USP53: variants seen among roughly 807,000 people sequenced by gnomAD.
USP53 encodes ubiquitin specific peptidase 53, also known as ubiquitin carboxyl-terminal hydrolase 53.
A neutral mutation model predicts 94.9 loss-of-function variants in USP53; 71 were observed. The observed-to-expected ratio is 0.75, with a 90% CI of 0.62 to 0.91. The LOEUF is 0.91. Among genes scored for constraint, USP53 ranks in the 40% least tolerant of loss-of-function variants. The pLI is 0.00. For missense variants in USP53, 1,173 were observed against 1,281.0 expected (o/e 0.92, Z 1.29); for synonymous variants, 375 against 422.7 (o/e 0.89, Z 1.39).
intron 4 of USP53, among the ~76,000 whole-genome samples, chr4:119,238,826 T>A (rs1747142399): frequency 6.6e-6 from 1 of 152,252 alleles, no homozygotes; most frequent in Non-Finnish European, 1.5e-5. Flanking sequence ...TTCTTTTGAA[T>A]AATTATACAT....
chr4:119,293,184 T>A lies in USP53; in HGVS notation c.3195T>A (p.Ser1065Arg). 1 of 1,605,126 alleles carries A rather than the reference T, an allele frequency of 6.2e-7. No homozygotes were observed. The highest frequency in any genetic ancestry group is 1.3e-5 in the African/African-American group (1 of 74,584). The change falls in exon 19 of 19, where the codon AGT becomes AGA. Residue 1065 changes from serine to arginine, a missense_variant. By Grantham distance (110) the Ser-to-Arg change is moderately radical. Coordinates refer to ENST00000692078, the MANE Select transcript of USP53 (RefSeq NM_001371395.1). ...QRPKLSFPES[S>R]GFCNNSLS Reference sequence around the variant, plus strand: ...CCAAGCTCTCTTTTCCAGAGAGCAGTGGCTTTTGTAATAATTCACTATCTT... The same window carrying A: ...CCAAGCTCTCTTTTCCAGAGAGCAGAGGCTTTTGTAATAATTCACTATCTT...
At chr4:119,229,766 C>G (rs1745803694) in intron 3 of USP53, among the ~76,000 whole-genome samples, 1 of 152,080 alleles carries the variant, frequency 6.6e-6, no homozygotes, top group South Asian at 2.1e-4. Context: ...ACCTCAAATT[C>G]ATCTTATTCA....
chr4:119,234,382 A>T lies in USP53; in HGVS notation c.-664-908A>T, dbSNP rs533934806. 2.6e-5 allele frequency among the ~76,000 whole-genome samples: 4 copies of T among 152,238 alleles called. No individual in the cohort carries two copies. The South Asian group carries it at 8.3e-4, about 32-fold the overall frequency. Reference sequence around the variant, plus strand: ...TGCTTTTTGCTTTTGTGTAATCTATAGGGTTGAGATGGAGGGAGGGAAGCA... The same window carrying T: ...TGCTTTTTGCTTTTGTGTAATCTATTGGGTTGAGATGGAGGGAGGGAAGCA... On this transcript the variant is annotated intron_variant, in intron 3 of 18. Coordinates refer to ENST00000692078, the MANE Select transcript of USP53 (RefSeq NM_001371395.1).
intron 7 of USP53, among the ~76,000 whole-genome samples, chr4:119,250,931 G>T (rs1354994987): frequency 6.6e-6 from 1 of 150,986 alleles, no homozygotes; most frequent in African/African-American, 2.4e-5. Flanking sequence ...TATACTTTAA[G>T]TTCTGGGTTA....
At chr4:119,267,514 T>G in intron 13 of USP53, 32 bp downstream of exon 13, 1 of 1,592,604 alleles carries the variant, frequency 6.3e-7, no homozygotes, top group East Asian at 2.3e-5. Flanking sequence ...TCTCAATGTT[T>G]TTCTATTATC....
rs1483196525 is a variant in USP53, at chr4:119,293,612, CCAGTAGA to C, written c.*403_*409del. On this transcript the variant is annotated 3_prime_UTR_variant, in exon 19 of 19. Coordinates refer to ENST00000692078, the MANE Select transcript of USP53 (RefSeq NM_001371395.1). ...TTAAATTTGTCCCCCTATTTTGTGG[CCAGTAGA>C]CTGGGAAGTATTAAACTAACCAGTA... 6 of 160,472 alleles carry C rather than the reference CCAGTAGA, an allele frequency of 3.7e-5. No homozygotes were observed. In the East Asian group the frequency reaches 5.4e-4, roughly 15 times the overall value. The allele number at this position is 160,472 out of a possible 1,614,324, so 9.9% of individuals were successfully genotyped here.
chr4:119,243,055 C>A (rs1747756406), intron 5 of USP53, among the ~76,000 whole-genome samples: 1 of 152,044 alleles, frequency 6.6e-6, no homozygotes, highest in African/African-American at 2.4e-5. Context: ...TATAAATATT[C>A]AAAAATAACT....
rs181740971 is a variant in USP53 at position 119,246,588 on chromosome 4, C to T, written c.237+1159C>T. 6.2e-4 allele frequency among the ~76,000 whole-genome samples: 95 copies of T among 152,318 alleles called. 1 individual carries two copies. The highest frequency in any genetic ancestry group is 5.0e-3 in the Admixed American group (76 of 15,290). ...CTAAATTTTGGGGGTGGTTTATTTA[C>T]AGAGCAATAAATAACTATAACAGGG... On this transcript the variant is annotated intron_variant, in intron 6 of 18. Coordinates refer to ENST00000692078, the MANE Select transcript of USP53 (RefSeq NM_001371395.1).
chr4:119,285,523 T>C (rs1754002777), intron 17 of USP53, among the ~76,000 whole-genome samples: 1 of 151,828 alleles, frequency 6.6e-6, no homozygotes, highest in Admixed American at 6.6e-5. Flanking sequence ...AAGAAGTTAA[T>C]CAGTGGTTTA....
chr4:119,256,744 T>TA (rs1749821770), intron 9 of USP53, among the ~76,000 whole-genome samples: 1 of 152,220 alleles, frequency 6.6e-6, no homozygotes. Context: ...TAATACTAGT[T>TA]AAATTTTATA....
intron 12 of USP53, among the ~76,000 whole-genome samples, chr4:119,262,257 T>C (rs1475654939): frequency 1.3e-5 from 2 of 152,222 alleles, no homozygotes; most frequent in East Asian, 1.9e-4. Flanking sequence ...ATTTTTATTA[T>C]GACAATTTTT....
At chr4:119,221,981 C>A (rs1744592070) in intron 3 of USP53, among the ~76,000 whole-genome samples, 1 of 152,172 alleles carries the variant, frequency 6.6e-6, no homozygotes, top group Non-Finnish European at 1.5e-5. Context: ...CCTGAAGAAG[C>A]AAACACTTTC....
chr4:119,261,714 G>A lies in USP53; in HGVS notation c.823-1G>A. 6.4e-7 allele frequency: 1 copy of A among 1,564,196 alleles called. No homozygotes were observed. Among genetic ancestry groups the A allele is most frequent in the Non-Finnish European group, 8.7e-7 (1 of 1,146,232 alleles). On this transcript the variant is annotated splice_acceptor_variant, in intron 11 of 18. Coordinates refer to ENST00000692078, the MANE Select transcript of USP53 (RefSeq NM_001371395.1). LOFTEE classifies it high-confidence loss of function. ...TGTACATTACCAATTTTTTTAAACA[G>A]CTTTTTTATAGAGTTACTGATGAAA...
At chr4:119,290,663 TCA>T (rs1754647498) in intron 17 of USP53, among the ~76,000 whole-genome samples, 2 of 152,208 alleles carry the variant, frequency 1.3e-5, no homozygotes, top group Admixed American at 1.3e-4. Context: ...CAATTTTAAT[TCA>T]GTTTAAATTC....
intron 5 of USP53, among the ~76,000 whole-genome samples, chr4:119,242,201 CT>C (rs1747638558): frequency 6.6e-6 from 1 of 151,998 alleles, no homozygotes; most frequent in African/African-American, 2.4e-5. Flanking sequence ...ATTTCAGTTA[CT>C]TTTTTTGTTG....
At chr4:119,256,392 A>G in intron 8 of USP53, 33 bp downstream of exon 8, 1 of 1,613,114 alleles carries the variant, frequency 6.2e-7, no homozygotes, top group Non-Finnish European at 8.5e-7. Context: ...TAGATATTGT[A>G]GTTCTGTTTT....
At position 119,232,307 on chromosome 4, in the gene USP53, C is replaced by T. The variant is rs1746178203; in HGVS notation, c.-664-2983C>T. On this transcript the variant is annotated intron_variant, in intron 3 of 18. Transcript: ENST00000692078. The stretch of plus-strand genomic sequence containing the variant: ...CATTCTCCTATAGCCCCCACTTCTC[C>T]AGTCCTAAACAAACATTAATCTACT... Among the ~76,000 whole-genome samples, 6 of 152,302 alleles carry T rather than the reference C, an allele frequency of 3.9e-5. No homozygotes were observed. The South Asian group carries it at 1.0e-3, about 26-fold the overall frequency.
In USP53 at chr4:119,271,584, G is replaced by A. The variant is rs562824630; in HGVS notation, c.1724G>A (p.Ser575Asn). The A allele has an allele frequency of 1.2e-5, 20 of 1,613,770 alleles. No homozygotes were observed. The East Asian group carries it at 4.0e-4, about 32-fold the overall frequency. Residue 575 changes from serine (S) to asparagine (N), a missense_variant, in exon 16 of 19, where the codon AGC becomes AAC. Ser to Asn is a conservative substitution (Grantham distance 46, BLOSUM62 1). Coordinates refer to ENST00000692078, the MANE Select transcript of USP53 (RefSeq NM_001371395.1). Reference protein sequence around the residue: ...DSRDRGNSCDSSSKSRNRGWK... With the variant: ...DSRDRGNSCDNSSKSRNRGWK... The stretch of plus-strand genomic sequence containing the variant: ...AGGGATAGAGGAAACAGCTGTGATA[G>A]CAGCAGTAAAAGCCGGAACCGAGGT...
At chr4:119,282,281 T>C (rs1479687769) in intron 17 of USP53, among the ~76,000 whole-genome samples, 1 of 152,144 alleles carries the variant, frequency 6.6e-6, no homozygotes, top group East Asian at 1.9e-4. Flanking sequence ...TGAATATTAG[T>C]GTGCAAATGT....
Sources: allele counts gnomAD v4.1 joint callset (sites outside exome capture counted in the v4.1 genomes callset), GRCh38; gene constraint gnomAD v4.1.1; transcripts MANE v1.5; gene names NCBI Gene and HGNC (gene_info 2026-07-23, HGNC 2026-07-21).